SIRPD: variants seen among roughly 807,000 people sequenced by gnomAD.
SIRPD encodes the protein signal regulatory protein delta.
Under a neutral mutation model 18.0 loss-of-function variants are expected in SIRPD, and 21 were observed. That is an observed-to-expected ratio of 1.17 (90% confidence interval 0.83 to 1.68). The LOEUF (loss-of-function observed/expected upper bound fraction) is 1.68. SIRPD is among the 40% of genes most tolerant of loss of function. The probability of loss-of-function intolerance (pLI) is 0.00; values close to 1 mark genes in which losing one functional copy is unlikely to be tolerated. For synonymous variants in SIRPD, 106 were observed against 92.9 expected (o/e 1.14, Z -0.81); for missense variants, 295 against 238.4 (o/e 1.24, Z -1.56).
chr20:1,551,869 A>C lies in SIRPD; in HGVS notation c.243T>G (p.Gly81=), dbSNP rs2091020695. 1.2e-6 allele frequency: 2 copies of C among 1,614,068 alleles called. No homozygotes were observed. Among genetic ancestry groups the C allele is most frequent in the Non-Finnish European group, 1.7e-6 (2 of 1,179,984 alleles). Residue 81 remains glycine, a synonymous_variant, in exon 2 of 4, where the codon GGT becomes GGG. Transcript: ENST00000381623. ...NRKLIYNFKQ[G]NFPRVKEIGD... ...CAATCTCTTTTACTCTGGGAAAGTT[A>C]CCTTGTTTGAAATTGTAGATTAATT...
chr20:1,551,491 C>CTCA (rs1568670076), intron 2 of SIRPD, among the ~76,000 whole-genome samples, 200 bp downstream of exon 2: 1 of 152,172 alleles, frequency 6.6e-6, no homozygotes, highest in East Asian at 1.9e-4. Context: ...GCTCTTATCA[C>CTCA]TCATCACTCA....
At chr20:1,552,593 G>A (rs2091024291) in intron 1 of SIRPD, among the ~76,000 whole-genome samples, 2 of 152,140 alleles carry the variant, frequency 1.3e-5, no homozygotes, top group African/African-American at 2.4e-5. Context: ...GAGAGAGAAG[G>A]GAGAGGGTTT....
At chr20:1,551,129 G>T (rs560063962) in intron 2 of SIRPD, among the ~76,000 whole-genome samples, 1 of 152,184 alleles carries the variant, frequency 6.6e-6, no homozygotes, top group Non-Finnish European at 1.5e-5. Flanking sequence ...CATTATTAGA[G>T]GTCCAGAGGT....
intron 3 of SIRPD, 59 bp downstream of exon 3, chr20:1,537,096 C>A (rs553699904): frequency 5.7e-6 from 9 of 1,574,568 alleles, no homozygotes; most frequent in Non-Finnish European, 7.8e-6. Flanking sequence ...GAAATGGTAC[C>A]GCCGCCAAAC....
At chr20:1,552,552 C>A (rs1261633458) in intron 1 of SIRPD, among the ~76,000 whole-genome samples, 2 of 152,100 alleles carry the variant, frequency 1.3e-5, no homozygotes, top group Non-Finnish European at 2.9e-5. Context: ...GTCTTGGCAA[C>A]AGCATATGGT....
rs1054556093 is a variant in SIRPD, at chr20:1,551,803, G to A, written c.309C>T (p.Arg103=). ...CATCAGCAAGAGAGATTTCACGGAT[G>A]CGGGTGGAAAAGTCTGTGTTGCCAG... ...TKPGNTDFST[R]IREISLADAG... Residue 103 remains arginine (R), a synonymous_variant, in exon 2 of 4, where the codon CGC becomes CGT. Coordinates refer to ENST00000381623, the MANE Select transcript of SIRPD (RefSeq NM_178460.3). The A allele has an allele frequency of 2.5e-6, 4 of 1,614,030 alleles. No homozygotes were observed. In the African/African-American group the frequency reaches 5.3e-5, roughly 22 times the overall value.
intron 2 of SIRPD, among the ~76,000 whole-genome samples, chr20:1,543,746 G>A (rs1023093638): frequency 2.6e-5 from 4 of 152,084 alleles, no homozygotes; most frequent in African/African-American, 9.7e-5. Flanking sequence ...TGTCTCCTGT[G>A]GGCATTAGTG....
chr20:1,545,554 T>G (rs373579394), intron 2 of SIRPD, among the ~76,000 whole-genome samples: 1 of 152,192 alleles, frequency 6.6e-6, no homozygotes, highest in African/African-American at 2.4e-5. Flanking sequence ...TTGCATTGGG[T>G]TAGAACATGC....
chr20:1,534,563 C>G (rs575266037), intron 3 of SIRPD, 122 bp from the exon 4 acceptor site: 3 of 1,060,894 alleles, frequency 2.8e-6, no homozygotes, highest in Non-Finnish European at 4.1e-6. Flanking sequence ...TTCTGTGTTG[C>G]TAAGGTTGTG....
intron 2 of SIRPD, 48 bp from the exon 3 acceptor site, chr20:1,537,358 A>C: frequency 6.3e-7 from 1 of 1,577,706 alleles, no homozygotes; most frequent in Non-Finnish European, 8.7e-7. Flanking sequence ...AGAGGAAGTT[A>C]CTATGATGGG....
chr20:1,541,252 C>T (rs2090969849), intron 2 of SIRPD, among the ~76,000 whole-genome samples: 1 of 152,174 alleles, frequency 6.6e-6, no homozygotes, highest in Non-Finnish European at 1.5e-5. Context: ...ACACTCCCAC[C>T]AACAGTGTAA....
intron 2 of SIRPD, among the ~76,000 whole-genome samples, chr20:1,546,655 A>T (rs1426023963): frequency 1.3e-5 from 2 of 152,210 alleles, no homozygotes; most frequent in East Asian, 3.9e-4. Flanking sequence ...CTGTTTGAGG[A>T]GCTGCCTATC....
chr20:1,541,964 T>C lies in SIRPD; in HGVS notation c.422-4654A>G, dbSNP rs545091082. Among the ~76,000 whole-genome samples the C allele has an allele frequency of 1.8e-3, 269 of 152,334 alleles. 2 individuals are homozygous for C. The highest frequency in any genetic ancestry group is 6.3e-3 in the African/African-American group (261 of 41,572). ...AGATGGTTGTAGATGTGTGGTGTTA[T>C]TTCTGAGGCCTCAGTTCTGTTCCAT... On this transcript the variant is annotated intron_variant, in intron 2 of 3. Transcript: ENST00000381623.
At chr20:1,540,244 C>T (rs1016665931) in intron 2 of SIRPD, 2 of 455,482 alleles carry the variant, frequency 4.4e-6, no homozygotes, top group Non-Finnish European at 8.8e-6. Flanking sequence ...ATGTTCTCTC[C>T]TAGAACCTCC....
At chr20:1,547,468 G>A (rs1439977813) in intron 2 of SIRPD, among the ~76,000 whole-genome samples, 2 of 152,082 alleles carry the variant, frequency 1.3e-5, no homozygotes, top group East Asian at 3.9e-4. Context: ...TGTTCACCAG[G>A]CTGGCCTCAA....
chr20:1,550,058 C>G (rs2091011907), intron 2 of SIRPD, among the ~76,000 whole-genome samples: 1 of 152,168 alleles, frequency 6.6e-6, no homozygotes, highest in African/African-American at 2.4e-5. Flanking sequence ...AGACTTCTTA[C>G]TAAGAAGGAG....
At chr20:1,555,402 G>A (rs1382399021) in intron 1 of SIRPD, among the ~76,000 whole-genome samples, 1 of 152,168 alleles carries the variant, frequency 6.6e-6, no homozygotes, top group Non-Finnish European at 1.5e-5. Context: ...TAGACATGAG[G>A]AATAGGTTCT....
At chr20:1,538,931 T>C (rs1397395537) in intron 2 of SIRPD, among the ~76,000 whole-genome samples, 1 of 152,130 alleles carries the variant, frequency 6.6e-6, no homozygotes, top group Non-Finnish European at 1.5e-5. Flanking sequence ...AAGATGGTTG[T>C]TTTTTTGACC....
chr20:1,552,063 C>G (rs1054394932), intron 1 of SIRPD, 25 bp from the exon 2 acceptor site: 1 of 1,592,094 alleles, frequency 6.3e-7, no homozygotes, highest in South Asian at 1.1e-5. Flanking sequence ...AAAATCATTT[C>G]TCATTTCCCC....
Sources: gnomAD v4.1 joint callset for allele counts (sites outside exome capture counted in the v4.1 genomes callset) on GRCh38, gnomAD v4.1.1 for gene constraint, MANE v1.5 for transcripts, NCBI Gene and HGNC (gene_info 2026-07-23, HGNC 2026-07-21) for gene names.